Variants in RYR1 observed in about 807,000 individuals in gnomAD.
RYR1 encodes the protein ryanodine receptor 1.
RYR1 carries 342 observed loss-of-function variants against 583.5 expected under a neutral mutation model. The observed-to-expected ratio is 0.59, with a 90% confidence interval of 0.54 to 0.64. The LOEUF is 0.64. Among genes scored for constraint, RYR1 ranks in the 30% least tolerant of loss-of-function variants. The pLI, the probability that RYR1 is intolerant of heterozygous loss-of-function variation, is 0.00. For synonymous variants in RYR1, 2,791 were observed against 2,822.5 expected, an observed-to-expected ratio of 0.99 and a Z score of 0.35; for missense variants, 6,032 against 6,917.2, an observed-to-expected ratio of 0.87 and a Z score of 4.54.
At chr19:38,584,699 A>C (rs1235340817) in intron 101 of RYR1, among the ~76,000 whole-genome samples, 1 of 87,984 alleles carries the variant, frequency 1.1e-5, no homozygotes, top group African/African-American at 4.6e-5. Context: ...CCTGGCCCTG[A>C]CCCCTCTGCC....
chr19:38,543,917 C>T lies in RYR1; in HGVS notation c.12012+42C>T, dbSNP rs1475169053. On this transcript the variant is annotated intron_variant, in intron 87 of 105. Transcript: ENST00000359596. This position sits in a 1 kb window ranked among gnomAD's most constrained non-coding sequence, Gnocchi z 4.4. ...TCTCCATCCACCTGCTTCCGGGCGT[C>T]CCCCAAGTGGTCCATTTCCAAGTCT... The T allele has an allele frequency of 6.3e-7, 1 of 1,575,056 alleles. No homozygotes were observed. The highest frequency in any genetic ancestry group is 8.7e-7 in the Non-Finnish European group (1 of 1,153,592).
At chr19:38,564,063 A>C (rs1369442083) in intron 90 of RYR1, among the ~76,000 whole-genome samples, 1 of 152,236 alleles carries the variant, frequency 6.6e-6, no homozygotes, top group Non-Finnish European at 1.5e-5. Context: ...AGCTCTCTCT[A>C]TAGGTTTGCT....
chr19:38,569,093 C>T (rs1481185578), intron 93 of RYR1, among the ~76,000 whole-genome samples: 2 of 152,050 alleles, frequency 1.3e-5, no homozygotes, highest in Admixed American at 6.6e-5. Flanking sequence ...TCACTGCAAG[C>T]TCTGACTCCT....
Position 38,505,945 on chromosome 19 carries a change from A to G in RYR1, c.8540A>G (p.Gln2847Arg). 6.2e-7 allele frequency: 1 copy of G among 1,605,668 alleles called. No homozygotes were observed. The highest frequency in any genetic ancestry group is 8.5e-7 in the Non-Finnish European group (1 of 1,176,228). Residue 2847 changes from glutamine to arginine, a missense_variant and splice_region_variant, in exon 54 of 106, where the codon CAG becomes CGG. Gln to Arg is a conservative substitution (Grantham distance 43, BLOSUM62 1). Coordinates refer to ENST00000359596, the MANE Select transcript of RYR1 (RefSeq NM_000540.3). ...KKTRKISQSA[Q>R]TYDPREGYNP... ...ACGCGGAAGATATCACAAAGTGCCC[A>G]GGTGAAGGCGGGGCCTGGGTGGAGG...
At chr19:38,526,960 C>T (rs2145717446) in intron 71 of RYR1, 33 bp from the exon 72 acceptor site, 14 of 1,612,672 alleles carry the variant, frequency 8.7e-6, no homozygotes, top group Non-Finnish European at 1.2e-5. Flanking sequence ...GATGGGACCT[C>T]CAGAGTGACC....
chr19:38,570,718 G>A (rs770228722), intron 94 of RYR1, 25 bp downstream of exon 94: 1 of 1,580,900 alleles, frequency 6.3e-7, no homozygotes, highest in Admixed American at 1.7e-5. Context: ...GGGCTGGGAG[G>A]GTCAGGCCCT....
In RYR1 at chr19:38,499,983, C is replaced by G. The variant is rs752588287; in HGVS notation, c.7290C>G (p.Ile2430Met). 6.2e-7 allele frequency: 1 copy of G among 1,614,150 alleles called. No homozygotes were observed. Among genetic ancestry groups the G allele is most frequent in the South Asian group, 1.1e-5 (1 of 91,078 alleles). The stretch of plus-strand genomic sequence containing the variant: ...TCATGTCCTTCTATGCCGCCTTGAT[C>G]GACCTGCTCGGACGCTGTGCACCAG... ...HAIMSFYAALIDLLGRCAPEM... is the reference protein window; with the variant it reads ...HAIMSFYAALMDLLGRCAPEM... The change falls in exon 45 of 106, where the codon ATC becomes ATG. Residue 2430 changes from isoleucine (I) to methionine (M), a missense_variant. Ile to Met is a conservative substitution (Grantham distance 10, BLOSUM62 1). Around this residue, in one of 11 missense-constraint regions of RYR1, gnomAD observed 2,627 missense variants for 2,961.3 expected, o/e 0.89. Coordinates refer to ENST00000359596, the MANE Select transcript of RYR1 (RefSeq NM_000540.3). This position sits in a 1 kb window ranked among gnomAD's most constrained non-coding sequence, Gnocchi z 7.3.
At chr19:38,519,170 G>C (rs1217087325) in intron 66 of RYR1, 44 bp from the exon 67 acceptor site, 1 of 1,613,732 alleles carries the variant, frequency 6.2e-7, no homozygotes, top group Admixed American at 1.7e-5. Context: ...TGGGGCCTGT[G>C]TCAGAGGCCG....
Position 38,502,620 on chromosome 19 carries a change from C to T in RYR1, c.7728C>T (p.Ala2576=), listed in dbSNP as rs955340412. The part of the protein sequence containing the change: ...APLFAGTEHR[A]IMVDSMLHTV... ...TCTTTGCGGGCACAGAACACCGCGC[C>T]ATCATGGTGGACTCTATGCTGCATA... The change falls in exon 48 of 106, where the codon GCC becomes GCT. Residue 2576 remains alanine, a synonymous_variant. Transcript: ENST00000359596. 6.8e-6 allele frequency: 11 copies of T among 1,613,084 alleles called. No individual in the cohort carries two copies. The highest frequency in any genetic ancestry group is 9.3e-6 in the Non-Finnish European group (11 of 1,179,910).
In RYR1 at chr19:38,561,526, C is replaced by T. The variant is rs1374234708; in HGVS notation, c.12624+72C>T. ...CATGCGGGTGCTCACTTCCTGCACC[C>T]TCAGACCCCACGGGGGCTGTGCGTG... is the stretch of plus-strand genomic sequence containing the variant. On this transcript the variant is annotated intron_variant, in intron 90 of 105. Transcript: ENST00000359596. This position sits in a 1 kb window ranked among gnomAD's most constrained non-coding sequence, Gnocchi z 4.8. 5.1e-5 allele frequency: 73 copies of T among 1,445,078 alleles called. No homozygotes were observed. Among genetic ancestry groups the T allele is most frequent in the Non-Finnish European group, 4.7e-6 (5 of 1,060,294 alleles). The allele number at this position is 1,445,078 out of a possible 1,614,324, so 89.5% of individuals were successfully genotyped here.
chr19:38,520,693 C>CAAAAAA lies in RYR1; in HGVS notation c.10259+1260_10259+1265dup, dbSNP rs71165555. On this transcript the variant is annotated intron_variant, in intron 67 of 105. Coordinates refer to ENST00000359596, the MANE Select transcript of RYR1 (RefSeq NM_000540.3). ...CTAGGAACAGAGCGAGGCTCCACCT[C>CAAAAAA]AAAAAAAAAAAAAAAAAAAAAAAAA... Among the ~76,000 whole-genome samples, 19 of 46,904 alleles carry CAAAAAA rather than the reference C, an allele frequency of 4.1e-4. 2 individuals are homozygous for CAAAAAA. The East Asian group carries it at 9.1e-3, about 22-fold the overall frequency. 30.8% of individuals were successfully genotyped at this position (46,904 alleles called of 152,430 possible). A position where few individuals can be genotyped will look rare whatever the true frequency, so the allele number is the denominator to read the frequency against.
intron 88 of RYR1, 91 bp from the exon 89 acceptor site, chr19:38,548,142 G>C (rs959462417): frequency 2.1e-5 from 29 of 1,396,124 alleles, no homozygotes; most frequent in Non-Finnish European, 2.0e-5. Context: ...CTCCAGCAGC[G>C]TGGTGGCTCC....
intron 87 of RYR1, among the ~76,000 whole-genome samples, chr19:38,545,046 G>A (rs1474813882): frequency 1.3e-5 from 2 of 152,014 alleles, no homozygotes; most frequent in African/African-American, 4.8e-5. Flanking sequence ...CTAGAGGGAA[G>A]AGATCTCCTC....
At position 38,529,008 on chromosome 19, in the gene RYR1, C is replaced by T; in HGVS notation, c.11092C>T (p.Leu3698=). Residue 3698 remains leucine, a synonymous_variant, in exon 76 of 106, where the codon CTG becomes TTG. Transcript: ENST00000359596. The stretch of plus-strand genomic sequence containing the variant: ...GGTGGAAGAGAAGAAGCCAGACCCC[C>T]TGCACCAGTTGGTCCTGCACTTCAG... ...EEVEEKKPDP[L]HQLVLHFSRT... is the part of the protein sequence containing the mutation. 3.7e-6 allele frequency: 6 copies of T among 1,613,946 alleles called. No homozygotes were observed. Among genetic ancestry groups the T allele is most frequent in the Non-Finnish European group, 5.1e-6 (6 of 1,179,978 alleles).
rs914177091 is a variant in RYR1, at chr19:38,561,650, C to G, written c.12624+196C>G. On this transcript the variant is annotated intron_variant, in intron 90 of 105. Coordinates refer to ENST00000359596, the MANE Select transcript of RYR1 (RefSeq NM_000540.3). This position sits in a 1 kb window ranked among gnomAD's most constrained non-coding sequence, Gnocchi z 4.8. ...CACATCCCTGGCTCGCCCCTGGCCACTTCTTGCGGACCTGGCCCACACAAG... is the reference window on the plus strand; with the variant it reads ...CACATCCCTGGCTCGCCCCTGGCCAGTTCTTGCGGACCTGGCCCACACAAG... Among the ~76,000 whole-genome samples, 1 of 152,218 alleles carries G rather than the reference C, an allele frequency of 6.6e-6. No individual in the cohort carries two copies. The highest frequency in any genetic ancestry group is 1.5e-5 in the Non-Finnish European group (1 of 68,036).
chr19:38,517,689 C>T lies in RYR1; in HGVS notation c.10016C>T (p.Ala3339Val), dbSNP rs752859335. The T allele has an allele frequency of 6.2e-7, 1 of 1,614,052 alleles. No individual in the cohort carries two copies. The highest frequency in any genetic ancestry group is 8.5e-7 in the Non-Finnish European group (1 of 1,179,944). Reference protein sequence around the residue: ...IDEASWMKRLAVFAQPIVSRA... With the variant: ...IDEASWMKRLVVFAQPIVSRA... The stretch of plus-strand genomic sequence containing the variant: ...GAGGCCTCCTGGATGAAGCGGCTGG[C>T]TGGTGGGTCGGGGGGCACTGGGCCT... Residue 3339 changes from alanine (A) to valine (V), a missense_variant and splice_region_variant, in exon 66 of 106, where the codon GCT (alanine) becomes GTT (valine). This residue lies in a region of RYR1 where 1,493 missense variants were observed against 1,715.5 expected (regional missense o/e 0.87). Transcript: ENST00000359596.
At chr19:38,558,809 G>T (rs187085759) in intron 89 of RYR1, among the ~76,000 whole-genome samples, 9,161 of 150,174 alleles carry the variant, frequency 0.061, 403 homozygotes, top group South Asian at 0.22. Context: ...TAAAAAAATA[G>T]TCCAGGTGTG....
At chr19:38,515,146 T>C (rs1461317032) in intron 64 of RYR1, 39 bp downstream of exon 64, 2 of 965,136 alleles carry the variant, frequency 2.1e-6, no homozygotes, top group South Asian at 1.3e-5. Flanking sequence ...TGGGTGGGGC[T>C]GGAGGGGAAG....
At chr19:38,453,997 T>C (rs1288864347) in intron 13 of RYR1, among the ~76,000 whole-genome samples, 5 of 152,196 alleles carry the variant, frequency 3.3e-5, no homozygotes, top group Non-Finnish European at 5.9e-5. Flanking sequence ...CTCCTCTCAC[T>C]ACTGATCTAG....
Sources: gnomAD v4.1 joint callset for allele counts (sites outside exome capture counted in the v4.1 genomes callset) on GRCh38, gnomAD v4.1.1 for gene constraint, gnomAD v4.1.1 regional missense constraint, Gnocchi (gnomAD v3.1) non-coding constraint, MANE v1.5 for transcripts, NCBI Gene and HGNC (gene_info 2026-07-23, HGNC 2026-07-21) for gene names.